Variants in WNT7A observed in about 807,000 individuals in gnomAD.
WNT7A encodes the protein protein Wnt-7a.
A neutral mutation model predicts 28.2 loss-of-function variants in WNT7A; 16 were observed. The observed-to-expected ratio is 0.57, with a 90% CI of 0.38 to 0.86. The LOEUF (loss-of-function observed/expected upper bound fraction) is 0.86. Ranked by LOEUF, WNT7A falls within the 40% of genes least tolerant of loss-of-function variation. The pLI is 0.00. For missense variants in WNT7A, 411 were observed against 489.7 expected (o/e 0.84, Z 1.52); for synonymous variants, 190 against 195.9 (o/e 0.97, Z 0.25).
chr3:13,839,344 T>G (rs1694420889), intron 3 of WNT7A, among the ~76,000 whole-genome samples: 3 of 152,216 alleles, frequency 2.0e-5, no homozygotes, highest in Non-Finnish European at 4.4e-5. Context: ...GCTGGGGGTC[T>G]CAGAGGGGAG....
At chr3:13,854,382 C>T in intron 3 of WNT7A, 150 bp downstream of exon 3, 1 of 1,308,058 alleles carries the variant, frequency 7.6e-7, no homozygotes, top group Non-Finnish European at 1.1e-6. Context: ...AAATCCTGAC[C>T]AGCTACAAGC....
chr3:13,853,123 C>T (rs1694666437), intron 3 of WNT7A, among the ~76,000 whole-genome samples: 1 of 152,106 alleles, frequency 6.6e-6, no homozygotes, highest in Admixed American at 6.5e-5. Context: ...CCAGCAACCA[C>T]AAGGCACTCA....
At chr3:13,854,425 G>A in intron 3 of WNT7A, 107 bp downstream of exon 3, 1 of 1,573,282 alleles carries the variant, frequency 6.4e-7, no homozygotes, top group African/African-American at 1.3e-5. Context: ...GAGGCTGAGG[G>A]CAGAGCCCTG....
At chr3:13,855,873 G>A (rs2124860420) in intron 2 of WNT7A, among the ~76,000 whole-genome samples, 1 of 152,302 alleles carries the variant, frequency 6.6e-6, no homozygotes, top group South Asian at 2.1e-4. Flanking sequence ...CAGAGAAGGT[G>A]TTTCAGAATG....
chr3:13,830,743 A>T (rs551141235), intron 3 of WNT7A, among the ~76,000 whole-genome samples: 1 of 152,134 alleles, frequency 6.6e-6, no homozygotes, highest in African/African-American at 2.4e-5. Context: ...CTCTACTAAC[A>T]CTGCCCTCCA....
rs556337716 is a variant in WNT7A, at chr3:13,816,276, A to G, written c.*2668T>C. ...TTTAGCATTCATCCATTGCTTTGCA[A>G]CTCAAAGTGCCATACAGTCATTACT... On this transcript the variant is annotated 3_prime_UTR_variant, in exon 4 of 4. Transcript: ENST00000285018. The G allele has an allele frequency of 2.0e-5, 3 of 152,206 alleles. No individual in the cohort carries two copies. The East Asian group carries it at 5.8e-4, about 29-fold the overall frequency. 9.4% of individuals were successfully genotyped at this position (152,206 alleles called of 1,614,324 possible). A position where few individuals can be genotyped will look rare whatever the true frequency, so the allele number is the denominator to read the frequency against.
intron 1 of WNT7A, among the ~76,000 whole-genome samples, chr3:13,879,257 C>T (rs1026411063): frequency 4.6e-5 from 7 of 152,198 alleles, no homozygotes; most frequent in African/African-American, 1.7e-4. Context: ...CCTGTTTGCA[C>T]GGACCGGCCC....
intron 2 of WNT7A, among the ~76,000 whole-genome samples, chr3:13,861,363 C>T (rs1264227108): frequency 2.6e-5 from 4 of 152,266 alleles, no homozygotes; most frequent in African/African-American, 9.6e-5. Context: ...ACCAAGCCGT[C>T]TGTTCCTTCA....
At chr3:13,844,680 G>A (rs1418947614) in intron 3 of WNT7A, among the ~76,000 whole-genome samples, 6 of 152,186 alleles carry the variant, frequency 3.9e-5, no homozygotes, top group Non-Finnish European at 7.4e-5. Context: ...GTGTCTCAAC[G>A]CACACTGAAA....
At chr3:13,865,290 A>C (rs1694894213) in intron 2 of WNT7A, among the ~76,000 whole-genome samples, 1 of 152,012 alleles carries the variant, frequency 6.6e-6, no homozygotes, top group Non-Finnish European at 1.5e-5. Context: ...CCCCCATTTT[A>C]TTGTCCAAGG....
rs575364080 is a variant in WNT7A, at chr3:13,859,719, C to T, written c.299-4916G>A. Among the ~76,000 whole-genome samples the T allele has an allele frequency of 4.9e-4, 74 of 152,282 alleles. 1 individual carries two copies. The South Asian group carries it at 0.013, about 27-fold the overall frequency. Reference sequence around the variant, plus strand: ...CACAGAGTAGGTACCCAGTAAATAGCAGTGGAATGAATAAATGAATGAAAG... The same window carrying T: ...CACAGAGTAGGTACCCAGTAAATAGTAGTGGAATGAATAAATGAATGAAAG... On this transcript the variant is annotated intron_variant, in intron 2 of 3. Coordinates refer to ENST00000285018, the MANE Select transcript of WNT7A (RefSeq NM_004625.4).
intron 3 of WNT7A, among the ~76,000 whole-genome samples, chr3:13,838,152 G>GT (rs1263077428): frequency 2.1e-5 from 3 of 146,262 alleles, no homozygotes; most frequent in South Asian, 2.5e-4. Flanking sequence ...GGCAGAGCAG[G>GT]TGGGGGGCAT....
intron 3 of WNT7A, among the ~76,000 whole-genome samples, chr3:13,852,393 C>G (rs1035618614): frequency 6.6e-6 from 1 of 152,348 alleles, no homozygotes; most frequent in South Asian, 2.1e-4. Context: ...GTCGGTTTCC[C>G]AGCCCTGCCA....
At chr3:13,820,531 G>A (rs1012633288) in intron 3 of WNT7A, among the ~76,000 whole-genome samples, 48 of 152,130 alleles carry the variant, frequency 3.2e-4, no homozygotes, top group African/African-American at 9.9e-4. Context: ...CCCATGTGAT[G>A]CTTCTTCTCC....
chr3:13,871,969 C>G (rs759591426), intron 2 of WNT7A, among the ~76,000 whole-genome samples: 1 of 152,124 alleles, frequency 6.6e-6, no homozygotes, highest in Non-Finnish European at 1.5e-5. Flanking sequence ...GCCACCCCAG[C>G]CCCTCGCTGT....
intron 3 of WNT7A, among the ~76,000 whole-genome samples, chr3:13,838,243 G>A (rs983187339): frequency 6.6e-6 from 1 of 152,276 alleles, no homozygotes; most frequent in South Asian, 2.1e-4. Context: ...CCAGAGGGAC[G>A]TGGGTTTCTC....
intron 2 of WNT7A, among the ~76,000 whole-genome samples, chr3:13,856,148 C>T (rs971193353): frequency 7.9e-5 from 12 of 152,190 alleles, no homozygotes; most frequent in East Asian, 1.9e-4. Context: ...CTGTCTTTGC[C>T]GTGGCGTGCC....
chr3:13,855,547 G>A (rs1345764949), intron 2 of WNT7A, among the ~76,000 whole-genome samples: 1 of 152,168 alleles, frequency 6.6e-6, no homozygotes, highest in Non-Finnish European at 1.5e-5. Flanking sequence ...TATCTCCAGT[G>A]GTAGGGCAGG....
chr3:13,858,844 C>A (rs1694787404), intron 2 of WNT7A, among the ~76,000 whole-genome samples: 1 of 152,122 alleles, frequency 6.6e-6, no homozygotes, highest in South Asian at 2.1e-4. Context: ...GCCTTACCTG[C>A]CCACATTAGA....
Sources: gnomAD v4.1 joint callset for allele counts (sites outside exome capture counted in the v4.1 genomes callset) on GRCh38, gnomAD v4.1.1 for gene constraint, MANE v1.5 for transcripts, NCBI Gene and HGNC (gene_info 2026-07-23, HGNC 2026-07-21) for gene names.